The following TPRG1 variants were observed in gnomAD, a reference collection of about 807,000 sequenced individuals.
The protein encoded by TPRG1 is tumor protein p63 regulated 1, also known as tumor protein p63-regulated gene 1 protein.
A neutral mutation model predicts 29.3 loss-of-function variants in TPRG1; 29 were observed. That is an observed-to-expected ratio of 0.99 (90% CI 0.74 to 1.35). The LOEUF (loss-of-function observed/expected upper bound fraction) is 1.35. TPRG1 is among the 40% of genes most tolerant of loss of function. The pLI, the probability that TPRG1 is intolerant of heterozygous loss-of-function variation, is 0.00. For missense variants in TPRG1, 327 were observed against 335.0 expected, an observed-to-expected ratio of 0.98 and a Z score of 0.19; for synonymous variants, 130 against 116.8, an observed-to-expected ratio of 1.11 and a Z score of -0.73.
intron 4 of TPRG1, among the ~76,000 whole-genome samples, chr3:189,306,583 G>A (rs1721662201): frequency 1.3e-5 from 2 of 152,082 alleles, no homozygotes; most frequent in African/African-American, 4.8e-5. Flanking sequence ...TTCACTAGTG[G>A]TTCTTGACTT....
At chr3:189,297,886 C>A (rs2109246296) in intron 4 of TPRG1, among the ~76,000 whole-genome samples, 1 of 152,168 alleles carries the variant, frequency 6.6e-6, no homozygotes, top group East Asian at 1.9e-4. Context: ...TTCATGTATG[C>A]AAAGCCTGCT....
At chr3:189,139,358 C>A (rs1014749752) in intron 3 of TPRG1, among the ~76,000 whole-genome samples, 1 of 152,164 alleles carries the variant, frequency 6.6e-6, no homozygotes, top group Non-Finnish European at 1.5e-5. Context: ...CAGCCCTGGA[C>A]TGGGGGCCAG....
At chr3:189,308,106 G>A (rs1272763303) in intron 4 of TPRG1, among the ~76,000 whole-genome samples, 4 of 152,186 alleles carry the variant, frequency 2.6e-5, no homozygotes, top group Admixed American at 6.5e-5. Context: ...GGAATGTCTC[G>A]ATATAGAGAT....
intron 3 of TPRG1, among the ~76,000 whole-genome samples, chr3:189,220,700 T>C (rs1736807986): frequency 6.6e-6 from 1 of 152,190 alleles, no homozygotes; most frequent in African/African-American, 2.4e-5. Flanking sequence ...TGGTTTTCTG[T>C]TCCTGTATTA....
chr3:189,170,833 A>G (rs2108659057), upstream of TPRG1, among the ~76,000 whole-genome samples: 1 of 152,310 alleles, frequency 6.6e-6, no homozygotes, highest in South Asian at 2.1e-4. Context: ...TTTAAACAAC[A>G]TTTTTTGAAG....
Position 189,116,263 on chromosome 3 carries a change from C to T in TPRG1, c.-743-10794C>T, listed in dbSNP as rs568347147. Among the ~76,000 whole-genome samples the T allele has an allele frequency of 3.6e-4, 54 of 152,004 alleles. No individual in the cohort carries two copies. The South Asian group carries it at 4.4e-3, about 12-fold the overall frequency. ...CGTGATCTCGGCCTACTGCAACTTC[C>T]GCCTCTTGGGTTCAAGCAATTCTCT... On this transcript the variant is annotated intron_variant, in intron 1 of 6. Coordinates refer to the TPRG1 transcript ENST00000412373.
chr3:189,141,195 C>A (rs1724505733), intron 3 of TPRG1, among the ~76,000 whole-genome samples: 3 of 152,160 alleles, frequency 2.0e-5, no homozygotes, highest in Admixed American at 6.5e-5. Flanking sequence ...CCTTATACAT[C>A]TCTTCTGTAA....
intron 1 of TPRG1, among the ~76,000 whole-genome samples, chr3:189,189,330 G>A (rs552097680): frequency 2.9e-4 from 44 of 151,810 alleles, no homozygotes; most frequent in African/African-American, 9.9e-4. Context: ...TTTGTACAAC[G>A]TTAGTTATAA....
In TPRG1 at chr3:189,251,482, C is replaced by T. The variant is rs889936083; in HGVS notation, c.479+12573C>T. On this transcript the variant is annotated intron_variant, in intron 4 of 5. Transcript: ENST00000345063. ...AAGTATAGAGAAAGAAATAAGGGGGCCCAGGGGACCAGCGTTCAGCATACG... is the reference window on the plus strand; with the variant it reads ...AAGTATAGAGAAAGAAATAAGGGGGTCCAGGGGACCAGCGTTCAGCATACG... 1.3e-3 allele frequency among the ~76,000 whole-genome samples: 192 copies of T among 152,154 alleles called. 1 individual carries two copies. The highest frequency in any genetic ancestry group is 4.2e-3 in the African/African-American group (173 of 41,484).
At chr3:189,319,278 A>T (rs1724014574) in intron 5 of TPRG1, among the ~76,000 whole-genome samples, 1 of 152,106 alleles carries the variant, frequency 6.6e-6, no homozygotes, top group South Asian at 2.1e-4. Flanking sequence ...CAGATTCTAT[A>T]TCCAGTTGCC....
intron 4 of TPRG1, among the ~76,000 whole-genome samples, chr3:189,290,590 T>C (rs947819793): frequency 2.0e-5 from 3 of 152,276 alleles, no homozygotes; most frequent in African/African-American, 7.2e-5. Context: ...AAGAGGCTAC[T>C]GGTTTTCTTT....
intron 4 of TPRG1, among the ~76,000 whole-genome samples, chr3:189,025,044 C>A (rs1019576083): frequency 6.6e-6 from 1 of 152,194 alleles, no homozygotes; most frequent in Non-Finnish European, 1.5e-5. Context: ...CCCCTGGATT[C>A]AGCCCCCTTC....
intron 1 of TPRG1, among the ~76,000 whole-genome samples, chr3:189,179,495 A>G (rs78812176): frequency 6.6e-6 from 1 of 152,216 alleles, no homozygotes; most frequent in Non-Finnish European, 1.5e-5. Context: ...ATAGGTATTC[A>G]GACAGCTCAG....
chr3:189,307,329 C>T (rs1158170919), intron 4 of TPRG1, among the ~76,000 whole-genome samples: 1 of 152,252 alleles, frequency 6.6e-6, no homozygotes, highest in African/African-American at 2.4e-5. Flanking sequence ...TGGCCAAAGA[C>T]CCAATCTTCT....
intron 3 of TPRG1, among the ~76,000 whole-genome samples, chr3:189,018,471 C>G (rs977211038): frequency 5.3e-5 from 7 of 131,458 alleles, no homozygotes; most frequent in African/African-American, 1.9e-4. Flanking sequence ...TTCCCAGCAC[C>G]ATTTATTAAA....
intron 4 of TPRG1, among the ~76,000 whole-genome samples, chr3:189,054,850 T>G (rs1715560854): frequency 6.6e-6 from 1 of 152,174 alleles, no homozygotes; most frequent in African/African-American, 2.4e-5. Flanking sequence ...AAAAAATGTT[T>G]AAAATAGTTT....
chr3:189,015,595 G>A (rs1712887201), intron 3 of TPRG1, among the ~76,000 whole-genome samples: 1 of 152,128 alleles, frequency 6.6e-6, no homozygotes, highest in Admixed American at 6.5e-5. Context: ...GGCTTAAGAG[G>A]AAAAAATGGT....
chr3:189,228,119 TCAA>T lies in TPRG1; in HGVS notation c.303-10605_303-10603del, dbSNP rs1336220397. Among the ~76,000 whole-genome samples the T allele has an allele frequency of 4.6e-5, 7 of 152,204 alleles. No individual in the cohort carries two copies. In the East Asian group the frequency reaches 1.4e-3, roughly 29 times the overall value. On this transcript the variant is annotated intron_variant, in intron 3 of 5. Transcript: ENST00000345063. ...CTGGGCAACAGAGCGAGACTCCATC[TCAA>T]CAACAACAGCAATAGCAACAACGAC...
chr3:189,296,913 G>T (rs544711355), intron 4 of TPRG1, among the ~76,000 whole-genome samples: 3 of 152,218 alleles, frequency 2.0e-5, no homozygotes, highest in African/African-American at 7.2e-5. Flanking sequence ...CTAAATGATA[G>T]AAACAGTGTC....
Sources: allele counts gnomAD v4.1 joint callset (sites outside exome capture counted in the v4.1 genomes callset), GRCh38; gene constraint gnomAD v4.1.1; transcripts MANE v1.5; gene names NCBI Gene and HGNC (gene_info 2026-07-23, HGNC 2026-07-21).